Variants in GLT1D1 observed in about 807,000 individuals in gnomAD.
The protein encoded by GLT1D1 is glycosyltransferase 1 domain-containing protein 1.
Under a neutral mutation model 28.7 loss-of-function variants are expected in GLT1D1, and 21 were observed. The observed-to-expected ratio is 0.73, with a 90% confidence interval of 0.52 to 1.05. The LOEUF is 1.05. Among genes scored for constraint, GLT1D1 ranks in the 50% least tolerant of loss-of-function variants. The pLI is 0.00. For missense variants in GLT1D1, 343 were observed against 330.6 expected (o/e 1.04, Z -0.29); for synonymous variants, 147 against 124.8 (o/e 1.18, Z -1.19).
chr12:128,908,402 C>G (rs943309399), intron 4 of GLT1D1, among the ~76,000 whole-genome samples: 1 of 145,604 alleles, frequency 6.9e-6, no homozygotes, highest in Non-Finnish European at 1.5e-5. Flanking sequence ...CTCTCTCTCT[C>G]TCTTTCTTTC....
chr12:128,891,591 G>A (rs1357254375), intron 3 of GLT1D1, among the ~76,000 whole-genome samples: 1 of 152,126 alleles, frequency 6.6e-6, no homozygotes, highest in African/African-American at 2.4e-5. Context: ...GGGAATTTGG[G>A]ACACTTCAAG....
At chr12:128,948,950 C>T (rs1014772833) in intron 6 of GLT1D1, among the ~76,000 whole-genome samples, 2 of 152,194 alleles carry the variant, frequency 1.3e-5, no homozygotes, top group African/African-American at 4.8e-5. Context: ...TAGGTGCTTT[C>T]AGAGCACAAA....
intron 2 of GLT1D1, among the ~76,000 whole-genome samples, chr12:128,885,252 A>G (rs1957149898): frequency 6.6e-6 from 1 of 152,174 alleles, no homozygotes; most frequent in South Asian, 2.1e-4. Context: ...GACAGAGTCG[A>G]GACTCTTTCG....
intron 1 of GLT1D1, among the ~76,000 whole-genome samples, chr12:128,857,892 G>A (rs1297956811): frequency 6.6e-6 from 1 of 152,210 alleles, no homozygotes; most frequent in African/African-American, 2.4e-5. Flanking sequence ...GGGAAGCACA[G>A]AATCCTCTGG....
At position 128,924,812 on chromosome 12, in the gene GLT1D1, C is replaced by T. The variant is rs1002566433; in HGVS notation, c.376-20514C>T. Among the ~76,000 whole-genome samples, 3 of 152,214 alleles carry T rather than the reference C, an allele frequency of 2.0e-5. No individual in the cohort carries two copies. The East Asian group carries it at 5.8e-4, about 30-fold the overall frequency. On this transcript the variant is annotated intron_variant, in intron 4 of 7. Transcript: ENST00000281703. ...ACGGGGCAGTGGGGAGAGTGGGAAG[C>T]ACAAAGTCTTCCCCCGCCCAGGCTT...
intron 4 of GLT1D1, among the ~76,000 whole-genome samples, chr12:128,923,235 C>T (rs559702964): frequency 1.3e-5 from 2 of 152,264 alleles, no homozygotes; most frequent in Middle Eastern, 3.4e-3. Flanking sequence ...AAATAATGGA[C>T]GAATGCCTGT....
chr12:128,882,681 G>A (rs1957086485), intron 2 of GLT1D1, among the ~76,000 whole-genome samples: 1 of 151,912 alleles, frequency 6.6e-6, no homozygotes, highest in Non-Finnish European at 1.5e-5. Context: ...CTCCCTCTTG[G>A]GCATGTCTGT....
intron 6 of GLT1D1, among the ~76,000 whole-genome samples, chr12:128,949,718 G>C (rs1012859891): frequency 6.6e-6 from 1 of 151,970 alleles, no homozygotes; most frequent in Non-Finnish European, 1.5e-5. Context: ...ACAGTTATTT[G>C]CTTATCCCAG....
At chr12:128,899,627 G>A (rs1237793759) in intron 4 of GLT1D1, among the ~76,000 whole-genome samples, 2 of 145,926 alleles carry the variant, frequency 1.4e-5, no homozygotes, top group Admixed American at 1.4e-4. Context: ...TCAGCTCACT[G>A]CAACTTCCAC....
intron 7 of GLT1D1, among the ~76,000 whole-genome samples, chr12:128,964,865 C>T (rs1013231455): frequency 2.0e-5 from 3 of 152,270 alleles, no homozygotes; most frequent in African/African-American, 7.2e-5. Context: ...GAAAGGCATT[C>T]ACAGTAGAGG....
At chr12:128,898,606 G>A (rs140320278) in intron 3 of GLT1D1, among the ~76,000 whole-genome samples, 6 of 152,272 alleles carry the variant, frequency 3.9e-5, no homozygotes, top group East Asian at 1.9e-4. Flanking sequence ...ATTTTGTCAC[G>A]TAATTTGGTA....
intron 4 of GLT1D1, among the ~76,000 whole-genome samples, chr12:128,921,352 G>A (rs1360647431): frequency 1.3e-5 from 2 of 152,174 alleles, no homozygotes; most frequent in African/African-American, 2.4e-5. Context: ...TCCCTGCAGC[G>A]TCTTGCAGGT....
At chr12:128,978,007 A>G (rs1263254985) in intron 7 of GLT1D1, among the ~76,000 whole-genome samples, 1 of 151,030 alleles carries the variant, frequency 6.6e-6, no homozygotes, top group Non-Finnish European at 1.5e-5. Flanking sequence ...TTGGTCTGGA[A>G]CTCCTGACCT....
chr12:128,859,985 T>C (rs1232965264), intron 1 of GLT1D1, among the ~76,000 whole-genome samples: 1 of 152,202 alleles, frequency 6.6e-6, no homozygotes, highest in Non-Finnish European at 1.5e-5. Context: ...ATTGTCTGTG[T>C]GTCACGTTAA....
intron 1 of GLT1D1, among the ~76,000 whole-genome samples, chr12:128,864,809 T>C (rs903455462): frequency 6.6e-6 from 1 of 152,006 alleles, no homozygotes; most frequent in Non-Finnish European, 1.5e-5. Context: ...GAGTGTGGCC[T>C]CTGCTGGGAC....
At chr12:128,915,221 T>C (rs1871985766) in intron 4 of GLT1D1, among the ~76,000 whole-genome samples, 1 of 152,188 alleles carries the variant, frequency 6.6e-6, no homozygotes. Context: ...AGCACCTGCT[T>C]TCCAAATTTT....
chr12:128,923,608 G>A (rs1254864150), intron 4 of GLT1D1, among the ~76,000 whole-genome samples: 1 of 151,296 alleles, frequency 6.6e-6, no homozygotes, highest in Non-Finnish European at 1.5e-5. Context: ...TGCAACCTCC[G>A]CCTCCCGGGT....
chr12:128,875,840 T>C (rs1956856215), intron 1 of GLT1D1, 74 bp from the exon 2 acceptor site: 8 of 1,352,038 alleles, frequency 5.9e-6, no homozygotes, highest in Non-Finnish European at 7.1e-6. Context: ...AAAAAAGTCT[T>C]AACTGTAGCA....
intron 4 of GLT1D1, among the ~76,000 whole-genome samples, chr12:128,942,621 C>T (rs1341510430): frequency 6.6e-6 from 1 of 151,518 alleles, no homozygotes; most frequent in Non-Finnish European, 1.5e-5. Context: ...TGGAAGACGC[C>T]ATCAGGTTTT....
Sources: gnomAD v4.1 joint callset for allele counts (sites outside exome capture counted in the v4.1 genomes callset) on GRCh38, gnomAD v4.1.1 for gene constraint, MANE v1.5 for transcripts, NCBI Gene and HGNC (gene_info 2026-07-23, HGNC 2026-07-21) for gene names.